Variants in LINGO2 observed in about 807,000 individuals in gnomAD.
The protein encoded by LINGO2 is leucine rich repeat and Ig domain containing 2, also known as leucine-rich repeat and immunoglobulin-like domain-containing nogo receptor-interacting protein 2.
In LINGO2, 14 loss-of-function variants were observed where a neutral mutation model predicts 30.6. That is an observed-to-expected ratio of 0.46 (90% CI 0.30 to 0.72). LINGO2 has a LOEUF of 0.72. Ranked by LOEUF, LINGO2 falls within the 30% of genes least tolerant of loss-of-function variation. LINGO2 has a pLI of 0.07. For synonymous variants in LINGO2, 317 were observed against 288.5 expected (o/e 1.10, Z -1.00); for missense variants, 729 against 751.7 (o/e 0.97, Z 0.35).
At chr9:28,526,317 T>G (rs941830524) in intron 1 of LINGO2, among the ~76,000 whole-genome samples, 3 of 152,104 alleles carry the variant, frequency 2.0e-5, no homozygotes, top group African/African-American at 7.2e-5. Flanking sequence ...TTACAACAGA[T>G]AGAAAAGCAG....
intron 4 of LINGO2, among the ~76,000 whole-genome samples, chr9:28,048,716 A>C (rs1448099462): frequency 6.6e-6 from 1 of 150,928 alleles, no homozygotes; most frequent in African/African-American, 2.4e-5. Context: ...TAAATGTCCA[A>C]GATTAAAGGA....
chr9:29,005,417 T>C, the LINGO2 span, among the ~76,000 whole-genome samples: 2 of 151,848 alleles, frequency 1.3e-5, no homozygotes, highest in African/African-American at 2.4e-5. Context: ...GAGAGATTGG[T>C]TCCAAAATGA....
chr9:29,168,476 TG>T, the LINGO2 span, among the ~76,000 whole-genome samples: 1 of 152,192 alleles, frequency 6.6e-6, no homozygotes, highest in African/African-American at 2.4e-5. Flanking sequence ...CAGAGGTGGT[TG>T]TGAGATACCA....
the LINGO2 span, among the ~76,000 whole-genome samples, chr9:29,123,487 T>G: frequency 6.6e-6 from 1 of 151,994 alleles, no homozygotes; most frequent in African/African-American, 2.4e-5. Context: ...GAGGCTTTAA[T>G]AAGCTTTTAA....
intron 1 of LINGO2, among the ~76,000 whole-genome samples, chr9:28,602,119 T>C (rs1825507986): frequency 6.6e-6 from 1 of 152,030 alleles, no homozygotes. Context: ...GTTGTGATTT[T>C]TAGGTAAAAT....
chr9:28,185,042 T>C (rs1202543755), intron 4 of LINGO2, among the ~76,000 whole-genome samples: 2 of 152,206 alleles, frequency 1.3e-5, no homozygotes, highest in African/African-American at 4.8e-5. Flanking sequence ...AGGTGATTGC[T>C]TTGAGAAATG....
chr9:28,248,705 G>A (rs750166866), intron 4 of LINGO2, among the ~76,000 whole-genome samples: 2 of 152,148 alleles, frequency 1.3e-5, no homozygotes, highest in African/African-American at 2.4e-5. Flanking sequence ...TTGCATGCCT[G>A]TACCACAGTA....
intron 1 of LINGO2, among the ~76,000 whole-genome samples, chr9:28,521,874 G>A (rs1397452297): frequency 6.6e-6 from 1 of 152,148 alleles, no homozygotes; most frequent in Admixed American, 6.6e-5. Flanking sequence ...CCATGTGAAG[G>A]TGGAGACAGG....
At chr9:29,064,358 C>T in the LINGO2 span, among the ~76,000 whole-genome samples, 1 of 151,866 alleles carries the variant, frequency 6.6e-6, no homozygotes, top group African/African-American at 2.4e-5. Flanking sequence ...ACTGAAATAT[C>T]AACACTATTT....
chr9:28,248,875 G>A (rs1354743233), intron 4 of LINGO2, among the ~76,000 whole-genome samples: 1 of 152,142 alleles, frequency 6.6e-6, no homozygotes, highest in Non-Finnish European at 1.5e-5. Context: ...ACTAGAATTA[G>A]ACATCAGGCC....
chr9:28,813,069 TAA>T, the LINGO2 span, among the ~76,000 whole-genome samples: 938 of 144,036 alleles, frequency 6.5e-3, 2 homozygotes, highest in African/African-American at 9.4e-3. Flanking sequence ...CCTACTGCAG[TAA>T]AAAAAAAAAA....
chr9:28,087,540 A>T (rs553749114), intron 4 of LINGO2, among the ~76,000 whole-genome samples: 28 of 151,872 alleles, frequency 1.8e-4, no homozygotes, highest in Non-Finnish European at 3.8e-4. Context: ...TTAGGGTGAG[A>T]TTCTTTCATT....
chr9:29,159,848 GAGTACTT>G, the LINGO2 span, among the ~76,000 whole-genome samples: 1 of 144,802 alleles, frequency 6.9e-6, no homozygotes, highest in African/African-American at 2.5e-5. Flanking sequence ...AAAAAAAAAA[GAGTACTT>G]TGTGAATCAT....
At chr9:27,976,511 G>T (rs1820602208) in intron 5 of LINGO2, among the ~76,000 whole-genome samples, 1 of 151,982 alleles carries the variant, frequency 6.6e-6, no homozygotes, top group African/African-American at 2.4e-5. Flanking sequence ...ATAATGCTAG[G>T]TTTTTTTCTG....
rs16912891 is a variant in LINGO2, at chr9:28,404,290, T to C, written c.-278-31422A>G. Among the ~76,000 whole-genome samples, 968 of 152,240 alleles carry C rather than the reference T, an allele frequency of 6.4e-3. 16 individuals carry two copies. The highest frequency in any genetic ancestry group is 0.022 in the African/African-American group (898 of 41,566). On this transcript the variant is annotated intron_variant, in intron 2 of 5. Coordinates refer to ENST00000379992, the Ensembl canonical transcript of LINGO2. The stretch of plus-strand genomic sequence containing the variant: ...ATTATTAAAACAATATGTTGCTCTT[T>C]TCTATAAAAGATGAATAAATATATT...
chr9:28,693,367 T>C, the LINGO2 span, among the ~76,000 whole-genome samples: 34 of 152,316 alleles, frequency 2.2e-4, no homozygotes, highest in African/African-American at 7.7e-4. Flanking sequence ...ATTCATTCAG[T>C]GATTTAATCA....
intron 2 of LINGO2, among the ~76,000 whole-genome samples, chr9:28,424,042 C>T (rs1823309424): frequency 6.6e-6 from 1 of 152,062 alleles, no homozygotes; most frequent in African/African-American, 2.4e-5. Context: ...TGGGCTCATG[C>T]CACCAATTCC....
At chr9:28,006,536 A>G (rs899860415) in intron 5 of LINGO2, among the ~76,000 whole-genome samples, 1 of 152,164 alleles carries the variant, frequency 6.6e-6, no homozygotes, top group Non-Finnish European at 1.5e-5. Flanking sequence ...GCTCAACTCC[A>G]GGGACACAGA....
chr9:28,009,983 T>G (rs917783210), intron 5 of LINGO2, among the ~76,000 whole-genome samples: 1 of 152,108 alleles, frequency 6.6e-6, no homozygotes, highest in Admixed American at 6.5e-5. Context: ...GTCCATAAAC[T>G]GATGAACGGA....
Sources: allele counts gnomAD v4.1 joint callset (sites outside exome capture counted in the v4.1 genomes callset), GRCh38; gene constraint gnomAD v4.1.1; transcripts MANE v1.5; gene names NCBI Gene and HGNC (gene_info 2026-07-23, HGNC 2026-07-21).